Variants in VWA8 observed in about 807,000 individuals in gnomAD.
VWA8 encodes the protein von Willebrand factor A domain-containing protein 8.
Under a neutral mutation model 241.5 loss-of-function variants are expected in VWA8, and 221 were observed. The ratio of observed to expected loss-of-function variants is 0.91; its 90% confidence interval spans 0.82 to 1.02. VWA8 has a LOEUF of 1.02. VWA8 is among the 50% of genes least tolerant of loss of function. The pLI is 0.00. For missense variants in VWA8, 2,322 were observed against 2,328.7 expected (o/e 1.00, Z 0.06); for synonymous variants, 852 against 827.1 (o/e 1.03, Z -0.52).
intron 37 of VWA8, among the ~76,000 whole-genome samples, chr13:41,642,568 A>C (rs1007669328): frequency 4.3e-4 from 65 of 151,432 alleles, no homozygotes; most frequent in African/African-American, 1.6e-3. Flanking sequence ...CAAACAAAAA[A>C]AAAAAAAAAA....
At chr13:41,634,044 G>C (rs942434616) in intron 37 of VWA8, among the ~76,000 whole-genome samples, 17 of 152,090 alleles carry the variant, frequency 1.1e-4, no homozygotes, top group African/African-American at 4.1e-4. Context: ...GGAGGTTGAG[G>C]GCTTTAGGCA....
At chr13:41,672,712 G>C (rs937095585) in intron 36 of VWA8, among the ~76,000 whole-genome samples, 3 of 152,158 alleles carry the variant, frequency 2.0e-5, no homozygotes, top group Non-Finnish European at 4.4e-5. Flanking sequence ...ACAGTGGGAT[G>C]GGACCATATG....
chr13:41,627,918 T>C (rs9594594), intron 37 of VWA8, among the ~76,000 whole-genome samples: 10,656 of 152,248 alleles, frequency 0.07, 736 homozygotes, highest in African/African-American at 0.18. Context: ...GGGGAGATGA[T>C]GCAGGAAAAT....
intron 37 of VWA8, among the ~76,000 whole-genome samples, chr13:41,627,920 C>A (rs942552730): frequency 5.9e-5 from 9 of 152,100 alleles, no homozygotes; most frequent in African/African-American, 1.9e-4. Flanking sequence ...GGAGATGATG[C>A]AGGAAAATAG....
At chr13:41,675,170 T>A in intron 36 of VWA8, 45 bp downstream of exon 36, 1 of 1,450,710 alleles carries the variant, frequency 6.9e-7, no homozygotes, top group Non-Finnish European at 9.6e-7. Flanking sequence ...AATTTACTCA[T>A]TTTTTATGAC....
chr13:41,615,028 C>T lies in VWA8; in HGVS notation c.4668G>A (p.Glu1556=). ...CCACGTGAGGCATGTTGTCTGGGTC[C>T]TCCTTCCCGTGTTTGGGGGAGCTTA... The part of the protein sequence containing the change: ...EDVSSPKHGK[E]DPDNMPHVGG... The change falls in exon 38 of 45, where the codon GAG becomes GAA. Residue 1556 remains glutamate, a synonymous_variant. Transcript: ENST00000379310. 1.2e-6 allele frequency: 2 copies of T among 1,613,914 alleles called. No homozygotes were observed. The highest frequency in any genetic ancestry group is 1.7e-6 in the Non-Finnish European group (2 of 1,179,966).
intron 21 of VWA8, among the ~76,000 whole-genome samples, chr13:41,742,789 A>G (rs1331393102): frequency 6.6e-6 from 1 of 152,204 alleles, no homozygotes; most frequent in Non-Finnish European, 1.5e-5. Flanking sequence ...TCCAAATGGA[A>G]GAAGTGCAAT....
chr13:41,884,764 C>G (rs1034377276), intron 8 of VWA8, among the ~76,000 whole-genome samples: 1 of 151,872 alleles, frequency 6.6e-6, no homozygotes, highest in Non-Finnish European at 1.5e-5. Context: ...ATAAAATGTT[C>G]TAAGCAAAAA....
At chr13:41,724,051 C>A (rs1414503246) in intron 24 of VWA8, among the ~76,000 whole-genome samples, 1 of 152,112 alleles carries the variant, frequency 6.6e-6, no homozygotes, top group Non-Finnish European at 1.5e-5. Flanking sequence ...AAGGAAAATG[C>A]ATCAAGGAGA....
chr13:41,881,369 TGCCGGGGGGG>T (rs1380530382), intron 9 of VWA8, among the ~76,000 whole-genome samples: 31 of 2,204 alleles, frequency 0.014, 6 homozygotes, highest in African/African-American at 0.044. Context: ...AGTTTTTTTT[TGCCGGGGGGG>T]GGGGGGGGGG....
intron 24 of VWA8, among the ~76,000 whole-genome samples, chr13:41,722,390 A>G (rs930905143): frequency 6.6e-6 from 1 of 152,190 alleles, no homozygotes; most frequent in African/African-American, 2.4e-5. Flanking sequence ...TACATTATTT[A>G]ATATGTTCAT....
rs763737722 is a variant in VWA8, at chr13:41,719,636, C to T, written c.3071G>A (p.Gly1024Glu). The change falls in exon 26 of 45, where the codon GGG becomes GAG. Residue 1024 changes from glycine to glutamate, a missense_variant. By Grantham distance (98) the Gly-to-Glu change is moderately conservative. Transcript: ENST00000379310. ...GGTAGGCTTTGCTCCGATAGGTATC[C>T]CGTATTTGTGTAAAGTGTTAATCAA... ...EILINTLHKY[G>E]IPIGAKPTSV... 1 of 1,613,074 alleles carries T rather than the reference C, an allele frequency of 6.2e-7. No individual in the cohort carries two copies. The highest frequency in any genetic ancestry group is 1.1e-5 in the South Asian group (1 of 91,050).
chr13:41,897,295 G>A (rs1875157168), intron 4 of VWA8, among the ~76,000 whole-genome samples: 2 of 152,200 alleles, frequency 1.3e-5, no homozygotes, highest in South Asian at 4.1e-4. Context: ...CAGATGGCCA[G>A]TAAGGAAATG....
intron 21 of VWA8, among the ~76,000 whole-genome samples, chr13:41,759,146 T>A (rs541711417): frequency 6.6e-6 from 1 of 151,758 alleles, no homozygotes; most frequent in East Asian, 1.9e-4. Flanking sequence ...GGTCTGCTGA[T>A]AAAAAAACTC....
At chr13:41,943,978 G>A (rs1877720708) in intron 2 of VWA8, among the ~76,000 whole-genome samples, 2 of 151,946 alleles carry the variant, frequency 1.3e-5, no homozygotes, top group African/African-American at 4.8e-5. Context: ...TGTGGCGTGA[G>A]CCTGTAATCC....
intron 35 of VWA8, among the ~76,000 whole-genome samples, chr13:41,683,134 C>T (rs772477176): frequency 5.3e-5 from 8 of 151,970 alleles, no homozygotes; most frequent in Non-Finnish European, 8.8e-5. Context: ...AACCTGCCCA[C>T]AAATGTTCAT....
intron 9 of VWA8, among the ~76,000 whole-genome samples, chr13:41,872,752 C>T (rs1445271075): frequency 6.6e-6 from 1 of 152,070 alleles, no homozygotes; most frequent in African/African-American, 2.4e-5. Context: ...ATGCCTCCAG[C>T]TTTGTTCTTT....
chr13:41,893,798 G>C (rs530578518), intron 4 of VWA8, among the ~76,000 whole-genome samples: 11 of 152,160 alleles, frequency 7.2e-5, no homozygotes, highest in African/African-American at 2.6e-4. Flanking sequence ...GCAGGAGAAT[G>C]ACTTGAACCC....
At chr13:41,875,522 T>A (rs1053834949) in intron 9 of VWA8, among the ~76,000 whole-genome samples, 2 of 152,064 alleles carry the variant, frequency 1.3e-5, no homozygotes, top group Non-Finnish European at 1.5e-5. Context: ...GGGGTTCAGC[T>A]TCATCTCCAA....
Sources: allele counts gnomAD v4.1 joint callset (sites outside exome capture counted in the v4.1 genomes callset), GRCh38; gene constraint gnomAD v4.1.1; transcripts MANE v1.5; gene names NCBI Gene and HGNC (gene_info 2026-07-23, HGNC 2026-07-21).